Variants in NLRP5 observed in about 807,000 individuals in gnomAD.
The protein encoded by NLRP5 is NACHT, LRR and PYD domains-containing protein 5.
NLRP5 carries 93 observed loss-of-function variants against 113.1 expected under a neutral mutation model. That is an observed-to-expected ratio of 0.82 (90% CI 0.70 to 0.98). The LOEUF (loss-of-function observed/expected upper bound fraction) is 0.98, where lower values mean the gene tolerates loss of function less well. NLRP5 is among the 50% of genes least tolerant of loss of function. NLRP5 has a pLI of 0.00. For synonymous variants in NLRP5, 751 were observed against 600.7 expected, an observed-to-expected ratio of 1.25 and a Z score of -3.66; for missense variants, 1,808 against 1,514.3, an observed-to-expected ratio of 1.19 and a Z score of -3.22.
chr19:56,002,855 C>T (rs1481569200), intron 1 of NLRP5, among the ~76,000 whole-genome samples: 1 of 152,092 alleles, frequency 6.6e-6, no homozygotes, highest in Non-Finnish European at 1.5e-5. Context: ...TTTCTTAATC[C>T]AGTCTATTGC....
intron 12 of NLRP5, among the ~76,000 whole-genome samples, 151 bp downstream of exon 12, chr19:56,050,739 A>G (rs182888142): frequency 2.2e-4 from 34 of 152,274 alleles, no homozygotes; most frequent in Admixed American, 7.2e-4. Flanking sequence ...AGGTAAACTG[A>G]GGTGTTGACA....
chr19:56,022,701 T>C (rs1982661945), intron 6 of NLRP5, among the ~76,000 whole-genome samples: 1 of 152,182 alleles, frequency 6.6e-6, no homozygotes. Flanking sequence ...GAGAATATTT[T>C]TTGTTAGAAG....
intron 7 of NLRP5, among the ~76,000 whole-genome samples, chr19:56,031,245 A>C (rs1568493166): frequency 6.6e-6 from 1 of 152,124 alleles, no homozygotes; most frequent in Non-Finnish European, 1.5e-5. Flanking sequence ...CTGACCCTTC[A>C]TGCCCATGAA....
the NLRP5 span, among the ~76,000 whole-genome samples, chr19:55,989,667 C>T: frequency 6.6e-6 from 1 of 152,194 alleles, no homozygotes; most frequent in Non-Finnish European, 1.5e-5. Context: ...CAAAGACATT[C>T]TGCGCACGTG....
Position 56,028,049 on chromosome 19 carries a change from G to C in NLRP5, c.1816G>C (p.Ala606Pro). The C allele has an allele frequency of 6.2e-7, 1 of 1,614,016 alleles. No individual in the cohort carries two copies. The change falls in exon 7 of 15, where the codon GCT becomes CCT. Residue 606 changes from alanine to proline, a missense_variant. By Grantham distance (27) the Ala-to-Pro change is conservative. Transcript: ENST00000390649. ...GTTAGAGGGCCTGGAAATCGAGCCA[G>C]CTCTCTGCCCTCTGTACGTTGAGAA...
intron 12 of NLRP5, among the ~76,000 whole-genome samples, chr19:56,051,759 T>A (rs1280400711): frequency 6.6e-6 from 1 of 152,220 alleles, no homozygotes; most frequent in Non-Finnish European, 1.5e-5. Flanking sequence ...GTACCTTATA[T>A]CTAGTGTTTT....
chr19:56,058,106 A>C, intron 13 of NLRP5, 134 bp from the exon 14 acceptor site: 1 of 665,296 alleles, frequency 1.5e-6, no homozygotes, highest in East Asian at 2.8e-5. Context: ...AGAGCCCACC[A>C]GTTTCATTTT....
intron 11 of NLRP5, among the ~76,000 whole-genome samples, chr19:56,048,885 C>A (rs1448714047): frequency 1.3e-5 from 2 of 150,192 alleles, no homozygotes; most frequent in African/African-American, 4.9e-5. Flanking sequence ...TAATCCCAGA[C>A]TTCTGGAGGC....
At chr19:55,999,921 C>T (rs1050807844) in intron 1 of NLRP5, 1 of 710,302 alleles carries the variant, frequency 1.4e-6, no homozygotes, top group African/African-American at 1.7e-5. Flanking sequence ...AGAACACTCC[C>T]CGGGGTAGAA....
At chr19:56,035,680 G>T (rs1489122306) in intron 9 of NLRP5, among the ~76,000 whole-genome samples, 1 of 152,166 alleles carries the variant, frequency 6.6e-6, no homozygotes, top group Non-Finnish European at 1.5e-5. Flanking sequence ...ACTCACAGGG[G>T]CAGGAGTATT....
At chr19:56,048,459 G>GT (rs1448314937) in intron 11 of NLRP5, among the ~76,000 whole-genome samples, 3 of 150,550 alleles carry the variant, frequency 2.0e-5, no homozygotes, top group Non-Finnish European at 3.0e-5. Context: ...GAAAAAGACT[G>GT]TATCTTTCCT....
intron 11 of NLRP5, among the ~76,000 whole-genome samples, chr19:56,044,997 C>A (rs1983670000): frequency 6.6e-6 from 1 of 152,112 alleles, no homozygotes; most frequent in African/African-American, 2.4e-5. Flanking sequence ...GGGTTGAGTT[C>A]TTGATTTGAT....
In NLRP5 at chr19:56,059,709, A is replaced by G. The variant is rs150673745; in HGVS notation, c.3470+1299A>G. Among the ~76,000 whole-genome samples the G allele has an allele frequency of 3.7e-3, 564 of 151,910 alleles. 5 individuals carry two copies. The highest frequency in any genetic ancestry group is 0.02 in the Middle Eastern group (6 of 294). ...GCCACCACGCCCAGCTAATTTTTAC[A>G]TTTTTAGTAGAGAAGAGTTTTCACC... On this transcript the variant is annotated intron_variant, in intron 14 of 14. Transcript: ENST00000390649.
Position 56,033,631 on chromosome 19 carries a change from G to A in NLRP5, c.2537G>A (p.Gly846Asp), listed in dbSNP as rs1464013685. The change falls in exon 9 of 15, where the codon GGC (glycine) becomes GAC (aspartate). Residue 846 changes from glycine to aspartate, a missense_variant. Transcript: ENST00000390649. ...AACCTAAGATCCCTCAACTTGGGAG[G>A]CACCCACCTGAAGGAAGAGGATGTA... 6.2e-7 allele frequency: 1 copy of A among 1,613,618 alleles called. No homozygotes were observed. The highest frequency in any genetic ancestry group is 1.7e-5 in the Admixed American group (1 of 60,016).
At chr19:56,050,823 A>G (rs1175353790) in intron 12 of NLRP5, among the ~76,000 whole-genome samples, 1 of 152,178 alleles carries the variant, frequency 6.6e-6, no homozygotes, top group African/African-American at 2.4e-5. Context: ...CTTGATACCT[A>G]AACACTGTGC....
At chr19:56,050,872 C>G (rs1427441676) in intron 12 of NLRP5, among the ~76,000 whole-genome samples, 1 of 152,200 alleles carries the variant, frequency 6.6e-6, no homozygotes, top group African/African-American at 2.4e-5. Flanking sequence ...AGTTCATCTT[C>G]AGCTATTTAT....
At chr19:56,024,593 A>ACACACT (rs750034302) in intron 6 of NLRP5, among the ~76,000 whole-genome samples, 34 of 151,094 alleles carry the variant, frequency 2.3e-4, no homozygotes, top group South Asian at 4.2e-4. Context: ...ATACACACAC[A>ACACACT]CACACACACA....
chr19:56,033,731 TG>T lies in NLRP5; in HGVS notation c.2615+23del, dbSNP rs748138274. On this transcript the variant is annotated intron_variant, in intron 9 of 14. Transcript: ENST00000390649. Reference sequence around the variant, plus strand: ...TGAGGTACGTCTCTGGTAGAGCTTTTGCCTTGTTTTTCTTCGTTTTTACTTG... The same window carrying T: ...TGAGGTACGTCTCTGGTAGAGCTTTTCCTTGTTTTTCTTCGTTTTTACTTG... 4 of 1,574,084 alleles carry T rather than the reference TG, an allele frequency of 2.5e-6. No individual in the cohort carries two copies. The East Asian group carries it at 9.0e-5, about 36-fold the overall frequency.
intron 8 of NLRP5, among the ~76,000 whole-genome samples, chr19:56,033,137 G>C (rs1441982944): frequency 2.0e-5 from 3 of 152,138 alleles, no homozygotes; most frequent in Admixed American, 6.5e-5. Context: ...TGTAATCCCA[G>C]CTACTTGGGA....
Sources: allele counts gnomAD v4.1 joint callset (sites outside exome capture counted in the v4.1 genomes callset), GRCh38; gene constraint gnomAD v4.1.1; transcripts MANE v1.5; gene names NCBI Gene and HGNC (gene_info 2026-07-23, HGNC 2026-07-21).